PDE8B: variants seen among roughly 807,000 people sequenced by gnomAD.
PDE8B encodes high affinity cAMP-specific and IBMX-insensitive 3',5'-cyclic phosphodiesterase 8B.
Under a neutral mutation model 101.3 loss-of-function variants are expected in PDE8B, and 26 were observed. The ratio of observed to expected loss-of-function variants is 0.26; its 90% confidence interval spans 0.19 to 0.36. The LOEUF is 0.36. Ranked by LOEUF, PDE8B falls within the 10% of genes least tolerant of loss-of-function variation. The probability of loss-of-function intolerance (pLI) is 1.00; values close to 1 mark genes in which losing one functional copy is unlikely to be tolerated. For synonymous variants in PDE8B, 424 were observed against 429.3 expected (o/e 0.99, Z 0.15); for missense variants, 810 against 1,163.1 (o/e 0.70, Z 4.42).
chr5:77,295,383 T>C (rs1205542579), intron 1 of PDE8B, among the ~76,000 whole-genome samples: 5 of 152,146 alleles, frequency 3.3e-5, no homozygotes, highest in Non-Finnish European at 2.9e-5. Flanking sequence ...GACTTTGGGG[T>C]ACGTTAGCTT....
chr5:77,412,359 C>A, intron 16 of PDE8B, 124 bp downstream of exon 16: 1 of 928,862 alleles, frequency 1.1e-6, no homozygotes, highest in Non-Finnish European at 1.7e-6. Flanking sequence ...GGCTCTCATG[C>A]CATGTTAGAG....
intron 2 of PDE8B, among the ~76,000 whole-genome samples, chr5:77,321,293 A>C (rs892419510): frequency 6.6e-6 from 1 of 152,004 alleles, no homozygotes; most frequent in Non-Finnish European, 1.5e-5. Context: ...CTGGGATTAC[A>C]GGCATGCACC....
chr5:77,412,781 CATAA>C (rs1184820129), intron 16 of PDE8B, among the ~76,000 whole-genome samples: 2 of 151,980 alleles, frequency 1.3e-5, no homozygotes, highest in East Asian at 1.9e-4. Context: ...CCTTAGGGAA[CATAA>C]ATAAAGTGCA....
At chr5:77,291,940 G>C in intron 1 of PDE8B, 1 of 720,918 alleles carries the variant, frequency 1.4e-6, no homozygotes, top group Non-Finnish European at 2.3e-6. Context: ...TGACCCCAAA[G>C]CCCTGATTAA....
chr5:77,125,777 A>C, the PDE8B span, among the ~76,000 whole-genome samples: 1 of 152,210 alleles, frequency 6.6e-6, no homozygotes, highest in East Asian at 1.9e-4. Context: ...ACAGAAAGTA[A>C]AATAGAGGTT....
At chr5:77,290,577 G>A (rs1026246624) in intron 1 of PDE8B, 14 of 1,502,326 alleles carry the variant, frequency 9.3e-6, no homozygotes, top group African/African-American at 6.9e-5. Context: ...AGGAAGCTTG[G>A]TGTCTTTGGA....
intron 1 of PDE8B, among the ~76,000 whole-genome samples, chr5:77,215,264 A>T (rs762491170): frequency 1.3e-5 from 2 of 152,202 alleles, no homozygotes; most frequent in African/African-American, 4.8e-5. Flanking sequence ...ATGTTACATG[A>T]TACAGGCACA....
At chr5:77,367,199 A>G (rs2150625770) in intron 10 of PDE8B, among the ~76,000 whole-genome samples, 1 of 152,288 alleles carries the variant, frequency 6.6e-6, no homozygotes, top group African/African-American at 2.4e-5. Flanking sequence ...AAATGTCTTC[A>G]CATAAAAAGG....
intron 1 of PDE8B, among the ~76,000 whole-genome samples, chr5:77,243,806 C>T (rs1756287583): frequency 2.0e-5 from 3 of 152,120 alleles, no homozygotes; most frequent in African/African-American, 4.8e-5. Context: ...CTGCTGTGGA[C>T]ATTTGCATAC....
rs570101999 is a variant in PDE8B at position 77,275,356 on chromosome 5, A to G, written c.340-36638A>G. Among the ~76,000 whole-genome samples, 7 of 151,384 alleles carry G rather than the reference A, an allele frequency of 4.6e-5. No homozygotes were observed. In the South Asian group the frequency reaches 1.1e-3, roughly 23 times the overall value. On this transcript the variant is annotated intron_variant, in intron 1 of 21. Coordinates refer to ENST00000264917, the MANE Select transcript of PDE8B (RefSeq NM_003719.5). ...AAATCTGTTTAGGTTTGCCCATACA[A>G]TCTTTCTTTTCTTTCCTTCCCAAAA...
At chr5:77,148,929 G>A in the PDE8B span, among the ~76,000 whole-genome samples, 79,805 of 151,888 alleles carry the variant, frequency 0.53, 22,609 homozygotes, top group East Asian at 0.88. Context: ...TTTTTGTGTC[G>A]TATCTAAGAA....
At chr5:77,155,499 A>G in the PDE8B span, among the ~76,000 whole-genome samples, 17 of 152,206 alleles carry the variant, frequency 1.1e-4, no homozygotes, top group Non-Finnish European at 2.4e-4. Context: ...AATTTTCACA[A>G]TATCCCTTTG....
chr5:77,114,996 A>C, the PDE8B span: 1 of 152,094 alleles, frequency 6.6e-6, no homozygotes, highest in Non-Finnish European at 1.5e-5. Flanking sequence ...ATATTTAACA[A>C]TTATATAAAG....
At chr5:77,237,384 T>C (rs1754902232) in intron 1 of PDE8B, among the ~76,000 whole-genome samples, 1 of 152,122 alleles carries the variant, frequency 6.6e-6, no homozygotes, top group Admixed American at 6.5e-5. Flanking sequence ...ATCTATTGTG[T>C]TTTTTACTAC....
At chr5:77,175,170 G>C in the PDE8B span, among the ~76,000 whole-genome samples, 40 of 152,026 alleles carry the variant, frequency 2.6e-4, no homozygotes, top group African/African-American at 8.9e-4. Flanking sequence ...CATCTCCCCT[G>C]CCTTCTGCCT....
rs192170707 is a variant in PDE8B at position 77,233,006 on chromosome 5, G to A, written c.339+21742G>A. Among the ~76,000 whole-genome samples the A allele has an allele frequency of 1.3e-3, 198 of 152,308 alleles. 2 individuals carry two copies. Among genetic ancestry groups the A allele is most frequent in the African/African-American group, 4.5e-3 (188 of 41,568 alleles). ...GATTCATGTTGGTAAGGGCTTGGCA[G>A]TGTGGGGAGCTAATCAGTTTGTTTT... On this transcript the variant is annotated intron_variant, in intron 1 of 21. Coordinates refer to ENST00000264917, the MANE Select transcript of PDE8B (RefSeq NM_003719.5).
chr5:77,132,956 T>C, the PDE8B span, among the ~76,000 whole-genome samples: 1 of 152,276 alleles, frequency 6.6e-6, no homozygotes, highest in Non-Finnish European at 1.5e-5. Flanking sequence ...GGCATTTCAT[T>C]GTCTTCTAGC....
At chr5:77,223,288 G>C (rs1359341495) in intron 1 of PDE8B, among the ~76,000 whole-genome samples, 1 of 151,214 alleles carries the variant, frequency 6.6e-6, no homozygotes, top group South Asian at 2.1e-4. Context: ...CAATGTGCAG[G>C]TTAGTTACAT....
the PDE8B span, among the ~76,000 whole-genome samples, chr5:77,111,002 A>C: frequency 6.6e-6 from 1 of 152,224 alleles, no homozygotes; most frequent in African/African-American, 2.4e-5. Flanking sequence ...AAGAGGACTC[A>C]ACTTGAGAAA....
Sources: allele counts gnomAD v4.1 joint callset (sites outside exome capture counted in the v4.1 genomes callset), GRCh38; gene constraint gnomAD v4.1.1; transcripts MANE v1.5; gene names NCBI Gene and HGNC (gene_info 2026-07-23, HGNC 2026-07-21).